The following PCDHGA4 variants were observed in gnomAD, a reference collection of about 807,000 sequenced individuals.
PCDHGA4 encodes protocadherin gamma-A4.
A neutral mutation model predicts 54.6 loss-of-function variants in PCDHGA4; 38 were observed. The observed-to-expected ratio is 0.70, with a 90% CI of 0.54 to 0.91. PCDHGA4 has a LOEUF of 0.91. Among genes scored for constraint, PCDHGA4 ranks in the 40% least tolerant of loss-of-function variants. The pLI is 0.00. For synonymous variants in PCDHGA4, 511 were observed against 512.9 expected (o/e 1.00, Z 0.05); for missense variants, 1,298 against 1,220.9 (o/e 1.06, Z -0.94).
At position 141,419,726 on chromosome 5, in the gene PCDHGA4, A is replaced by AC. The variant is rs757890106; in HGVS notation, c.2514+62106dup. On this transcript the variant is annotated intron_variant, in intron 1 of 3. Coordinates refer to ENST00000571252, the MANE Select transcript of PCDHGA4 (RefSeq NM_018917.4). ...CGGGCTCTTCAGCCTGGGGCTGCGA[A>AC]CAGGCGAGGTGCGCATGGTGCGTGC... 3.1e-6 allele frequency: 5 copies of AC among 1,613,402 alleles called. No individual in the cohort carries two copies. The Admixed American group carries it at 8.3e-5, about 27-fold the overall frequency.
At chr5:141,375,803 G>A (rs1771910516) in intron 1 of PCDHGA4, 5 of 1,614,234 alleles carry the variant, frequency 3.1e-6, no homozygotes, top group Non-Finnish European at 4.2e-6. Flanking sequence ...CGGTTCCACT[G>A]GCGTGGAGCT....
intron 1 of PCDHGA4, chr5:141,365,430 C>G: frequency 6.2e-7 from 1 of 1,613,960 alleles, no homozygotes; most frequent in Middle Eastern, 1.6e-4. Context: ...ACTGTAATCG[C>G]GCTGTTTAGC....
chr5:141,379,889 C>CTTTTTTTTTTTGTTTT (rs1775949907), intron 1 of PCDHGA4, among the ~76,000 whole-genome samples: 1 of 50,830 alleles, frequency 2.0e-5, no homozygotes, highest in Non-Finnish European at 3.9e-5. Flanking sequence ...GTGAAAGCCT[C>CTTTTTTTTTTTGTTTT]TTTTTTTTTT....
chr5:141,375,820 C>T (rs62378422), intron 1 of PCDHGA4: 145,173 of 1,614,058 alleles, frequency 0.09, 7,179 homozygotes, highest in African/African-American at 0.18. Context: ...AGCTGGCGCC[C>T]CGCTCCGCAG....
Position 141,431,253 on chromosome 5 carries a change from A to G in PCDHGA4, c.2515-63554A>G, listed in dbSNP as rs1554123268. The G allele has an allele frequency of 1.2e-6, 2 of 1,614,132 alleles. No individual in the cohort carries two copies. Among genetic ancestry groups the G allele is most frequent in the South Asian group, 1.1e-5 (1 of 91,088 alleles). ...GCCTGGGATCCGGATATCGGGAAGA[A>G]CTCTCTGCAGAGCTACGAGCTCAGC... is the stretch of plus-strand genomic sequence containing the variant. On this transcript the variant is annotated intron_variant, in intron 1 of 3. Transcript: ENST00000571252. The surrounding 1 kb of genome is among the most constrained non-coding windows in gnomAD (Gnocchi z 4.8).
intron 1 of PCDHGA4, chr5:141,393,900 G>A (rs1048161107): frequency 3.7e-6 from 6 of 1,613,906 alleles, no homozygotes; most frequent in South Asian, 1.1e-5. Flanking sequence ...TTCTCTTCCC[G>A]GGACAGTAAT....
intron 1 of PCDHGA4, among the ~76,000 whole-genome samples, chr5:141,458,065 G>A (rs55848374): frequency 0.098 from 14,910 of 152,232 alleles, 965 homozygotes; most frequent in Non-Finnish European, 0.14. Flanking sequence ...GCACTGATGC[G>A]AACAACTATA....
chr5:141,506,544 G>GT (rs2099854759), intron 3 of PCDHGA4, among the ~76,000 whole-genome samples: 1 of 151,880 alleles, frequency 6.6e-6, no homozygotes, highest in Non-Finnish European at 1.5e-5. Flanking sequence ...GAGTCCTTAG[G>GT]TAAGTTATTA....
intron 1 of PCDHGA4, chr5:141,371,031 A>G (rs1561549182): frequency 1.2e-6 from 2 of 1,613,872 alleles, no homozygotes; most frequent in East Asian, 2.2e-5. Flanking sequence ...CCTGGTCCTC[A>G]CAGCTGTGGA....
intron 1 of PCDHGA4, chr5:141,398,834 A>T: frequency 6.2e-7 from 1 of 1,614,014 alleles, no homozygotes; most frequent in Non-Finnish European, 8.5e-7. Context: ...ACCGACGCCA[A>T]TGATAATCCC....
chr5:141,393,603 G>C, intron 1 of PCDHGA4: 1 of 1,613,928 alleles, frequency 6.2e-7, no homozygotes, highest in East Asian at 2.2e-5. Flanking sequence ...GCTGCTTACT[G>C]TAACAGCCAG....
intron 1 of PCDHGA4, chr5:141,361,017 A>C (rs767981942): frequency 3.1e-6 from 5 of 1,613,324 alleles, no homozygotes; most frequent in Admixed American, 1.7e-5. Flanking sequence ...TTTTCAACTT[A>C]AATGAAAAAA....
Position 141,437,358 on chromosome 5 carries a change from T to C in PCDHGA4, c.2515-57449T>C, listed in dbSNP as rs115917828. ...CTTCACTGTTTTATAGTACCTAAAATTGGAATGTAATCAGTCAGAAGACAT... is the reference window on the plus strand; with the variant it reads ...CTTCACTGTTTTATAGTACCTAAAACTGGAATGTAATCAGTCAGAAGACAT... On this transcript the variant is annotated intron_variant, in intron 1 of 3. Coordinates refer to ENST00000571252, the MANE Select transcript of PCDHGA4 (RefSeq NM_018917.4). 4.6e-3 allele frequency among the ~76,000 whole-genome samples: 702 copies of C among 152,356 alleles called. 4 individuals carry two copies. Among genetic ancestry groups the C allele is most frequent in the African/African-American group, 0.015 (639 of 41,574 alleles).
intron 1 of PCDHGA4, chr5:141,408,732 A>AT: frequency 2.5e-6 from 4 of 1,610,016 alleles, no homozygotes; most frequent in Non-Finnish European, 3.4e-6. Context: ...TCTAATCCTT[A>AT]TTTTTCATTA....
intron 1 of PCDHGA4, among the ~76,000 whole-genome samples, chr5:141,483,466 A>C (rs1212605130): frequency 6.6e-6 from 1 of 152,188 alleles, no homozygotes. Context: ...GTTGATTGAC[A>C]TGATATAGGA....
intron 1 of PCDHGA4, chr5:141,393,004 T>C (rs781030004): frequency 1.2e-6 from 2 of 1,613,554 alleles, no homozygotes; most frequent in Middle Eastern, 1.7e-4. Flanking sequence ...AAGCACGGAG[T>C]CCGTATCGTC....
intron 1 of PCDHGA4, among the ~76,000 whole-genome samples, chr5:141,435,715 A>G (rs528951395): frequency 6.6e-6 from 1 of 152,328 alleles, no homozygotes; most frequent in African/African-American, 2.4e-5. Context: ...ACAGACACTG[A>G]ATGCTAAAGT....
chr5:141,494,394 T>C (rs1437164389), intron 1 of PCDHGA4, among the ~76,000 whole-genome samples: 1 of 152,154 alleles, frequency 6.6e-6, no homozygotes, highest in African/African-American at 2.4e-5. Flanking sequence ...GTTGAATAAA[T>C]TCATTCTAGG....
At chr5:141,483,584 T>C (rs2099583159) in intron 1 of PCDHGA4, among the ~76,000 whole-genome samples, 1 of 152,064 alleles carries the variant, frequency 6.6e-6, no homozygotes, top group African/African-American at 2.4e-5. Context: ...CATAAACACC[T>C]AATAGGTCAG....
Sources: allele counts gnomAD v4.1 joint callset (sites outside exome capture counted in the v4.1 genomes callset), GRCh38; gene constraint gnomAD v4.1.1; non-coding constraint Gnocchi (gnomAD v3.1); transcripts MANE v1.5; gene names NCBI Gene and HGNC (gene_info 2026-07-23, HGNC 2026-07-21).